ZNF346: variants seen among roughly 807,000 people sequenced by gnomAD.
The protein encoded by ZNF346 is double-stranded RNA-binding zinc finger protein JAZ.
Under a neutral mutation model 33.7 loss-of-function variants are expected in ZNF346, and 23 were observed. That is an observed-to-expected ratio of 0.68 (90% confidence interval 0.49 to 0.97). The LOEUF (loss-of-function observed/expected upper bound fraction) is 0.97, where lower values mean the gene tolerates loss of function less well. Among genes scored for constraint, ZNF346 ranks in the 50% least tolerant of loss-of-function variants. ZNF346 has a pLI of 0.00. For missense variants in ZNF346, 340 were observed against 371.1 expected, an observed-to-expected ratio of 0.92 and a Z score of 0.69; for synonymous variants, 134 against 142.4, an observed-to-expected ratio of 0.94 and a Z score of 0.42.
At chr5:177,062,800 A>C (rs1782703338) in intron 6 of ZNF346, among the ~76,000 whole-genome samples, 1 of 152,206 alleles carries the variant, frequency 6.6e-6, no homozygotes, top group African/African-American at 2.4e-5. Context: ...TAATCCTTCC[A>C]ACCCTGAGAG....
At chr5:177,043,561 T>TATGG (rs1779633842) in intron 3 of ZNF346, among the ~76,000 whole-genome samples, 1 of 151,990 alleles carries the variant, frequency 6.6e-6, no homozygotes, top group Non-Finnish European at 1.5e-5. Context: ...AGCTTGGGAA[T>TATGG]TCGAGACCAC....
In ZNF346 at chr5:177,057,008, G is replaced by A. The variant is rs1462939722; in HGVS notation, c.704-5050G>A. 3.3e-5 allele frequency among the ~76,000 whole-genome samples: 5 copies of A among 152,238 alleles called. No homozygotes were observed. In the South Asian group the frequency reaches 6.2e-4, roughly 19 times the overall value. ...CAAGTTTTTAAATACATAGAGGAAC[G>A]TATTATAGAAAGACCTCTGTGGCTG... On this transcript the variant is annotated intron_variant, in intron 5 of 6. Coordinates refer to ENST00000358149, the MANE Select transcript of ZNF346 (RefSeq NM_012279.4).
downstream of ZNF346, among the ~76,000 whole-genome samples, chr5:177,070,343 C>T (rs1329959724): frequency 2.6e-5 from 4 of 152,094 alleles, no homozygotes; most frequent in East Asian, 5.8e-4. Context: ...TTTGTAGCCT[C>T]GAATGGCCTC....
chr5:177,053,270 C>T (rs1781202661), intron 5 of ZNF346, among the ~76,000 whole-genome samples: 1 of 145,758 alleles, frequency 6.9e-6, no homozygotes, highest in Admixed American at 7.1e-5. Flanking sequence ...GATCCAAGAT[C>T]GCGCCACTGC....
rs1328685114 is a variant in ZNF346 at position 177,067,001 on chromosome 5, C to T, written c.*2402C>T. 6.6e-6 allele frequency among the ~76,000 whole-genome samples: 1 copy of T among 151,808 alleles called. No homozygotes were observed. The highest frequency in any genetic ancestry group is 2.4e-5 in the African/African-American group (1 of 41,314). Reference sequence around the variant, plus strand: ...TGCTTGAACCCGGGAGGCGGAGGGTCGCATTGAGCCAAGATCGTGCCACTG... The same window carrying T: ...TGCTTGAACCCGGGAGGCGGAGGGTTGCATTGAGCCAAGATCGTGCCACTG... On this transcript the variant is annotated 3_prime_UTR_variant, in exon 7 of 7. Transcript: ENST00000358149.
chr5:177,076,169 G>T (rs956500964), intron 8 of ZNF346, among the ~76,000 whole-genome samples: 1 of 152,214 alleles, frequency 6.6e-6, no homozygotes, highest in Non-Finnish European at 1.5e-5. Flanking sequence ...TCTGATGTCT[G>T]AGAGTAAGTT....
chr5:177,043,299 C>T (rs1779603128), intron 3 of ZNF346, among the ~76,000 whole-genome samples: 1 of 152,140 alleles, frequency 6.6e-6, no homozygotes, highest in Non-Finnish European at 1.5e-5. Context: ...ACACCTGGCC[C>T]TTTTCTCACA....
At chr5:177,068,771 G>A (rs546626561), downstream of ZNF346, among the ~76,000 whole-genome samples, 15 of 142,704 alleles carry the variant, frequency 1.1e-4, no homozygotes, top group South Asian at 6.6e-4. Flanking sequence ...CCAGATTAAG[G>A]GGGAATGGAT....
At chr5:177,047,347 T>G (rs251842) in intron 4 of ZNF346, among the ~76,000 whole-genome samples, 41,729 of 150,756 alleles carry the variant, frequency 0.28, 5,863 homozygotes, top group Middle Eastern at 0.34. Flanking sequence ...TTTGTTTTTT[T>G]TTTTTTTTGA....
At chr5:177,059,671 C>T (rs1782209827) in intron 5 of ZNF346, among the ~76,000 whole-genome samples, 1 of 152,230 alleles carries the variant, frequency 6.6e-6, no homozygotes, top group East Asian at 1.9e-4. Flanking sequence ...AGTAGAGCTG[C>T]TTTCTGAGCC....
intron 4 of ZNF346, among the ~76,000 whole-genome samples, chr5:177,046,428 A>G (rs1780056828): frequency 6.6e-6 from 1 of 151,976 alleles, no homozygotes; most frequent in Non-Finnish European, 1.5e-5. Context: ...ATTCACTTTC[A>G]GCTTTTGCCA....
intron 4 of ZNF346, among the ~76,000 whole-genome samples, chr5:177,048,966 A>G (rs763448567): frequency 4.0e-5 from 6 of 151,518 alleles, no homozygotes; most frequent in Non-Finnish European, 8.8e-5. Context: ...GTATTTTTTT[A>G]GTAGAGACTG....
At chr5:177,048,629 A>T (rs1292359850) in intron 4 of ZNF346, among the ~76,000 whole-genome samples, 1 of 152,150 alleles carries the variant, frequency 6.6e-6, no homozygotes, top group Admixed American at 6.6e-5. Flanking sequence ...CTCAAAAAGA[A>T]AAAAAAGAAA....
intron 1 of ZNF346, among the ~76,000 whole-genome samples, chr5:177,032,372 A>G (rs1485093112): frequency 6.6e-6 from 1 of 151,216 alleles, no homozygotes; most frequent in African/African-American, 2.4e-5. Context: ...GCAGTGGCGC[A>G]GTCTTGGCAT....
intron 8 of ZNF346, among the ~76,000 whole-genome samples, chr5:177,079,188 C>T (rs1267812771): frequency 6.6e-6 from 1 of 151,610 alleles, no homozygotes; most frequent in Non-Finnish European, 1.5e-5. Flanking sequence ...AGGAGATTTG[C>T]TTGAACCTGG....
At chr5:177,049,821 T>G (rs745508700) in intron 4 of ZNF346, among the ~76,000 whole-genome samples, 3 of 152,108 alleles carry the variant, frequency 2.0e-5, no homozygotes, top group Non-Finnish European at 4.4e-5. Flanking sequence ...AGAAAATATA[T>G]GTAGAAAACA....
At chr5:177,074,456 T>C (rs1482056636) in intron 8 of ZNF346, among the ~76,000 whole-genome samples, 2 of 152,160 alleles carry the variant, frequency 1.3e-5, no homozygotes. Flanking sequence ...GTTTTGACCA[T>C]ACTGTTGGGA....
intron 5 of ZNF346, among the ~76,000 whole-genome samples, chr5:177,058,607 TAAA>T (rs1017308017): frequency 2.0e-5 from 3 of 152,168 alleles, no homozygotes; most frequent in African/African-American, 4.8e-5. Flanking sequence ...ACTTCACAAA[TAAA>T]GAAGTTGAGA....
chr5:177,061,877 G>A (rs1413463049), intron 5 of ZNF346, among the ~76,000 whole-genome samples, 181 bp from the exon 6 acceptor site: 2 of 152,202 alleles, frequency 1.3e-5, no homozygotes, highest in Non-Finnish European at 2.9e-5. Context: ...ACCCCAGGAA[G>A]CACATAGGCA....
Sources: gnomAD v4.1 joint callset for allele counts (sites outside exome capture counted in the v4.1 genomes callset) on GRCh38, gnomAD v4.1.1 for gene constraint, MANE v1.5 for transcripts, NCBI Gene and HGNC (gene_info 2026-07-23, HGNC 2026-07-21) for gene names.